GMEB1: variants seen among roughly 807,000 people sequenced by gnomAD.
GMEB1 encodes the protein glucocorticoid modulatory element binding protein 1, also known as glucocorticoid modulatory element-binding protein 1.
In GMEB1, 6 loss-of-function variants were observed where a neutral mutation model predicts 52.4. The ratio of observed to expected loss-of-function variants is 0.11; its 90% CI spans 0.06 to 0.23. The LOEUF (loss-of-function observed/expected upper bound fraction) is 0.23. Among genes scored for constraint, GMEB1 ranks in the 10% least tolerant of loss-of-function variants. The pLI is 1.00. For missense variants in GMEB1, 486 were observed against 685.6 expected, an observed-to-expected ratio of 0.71 and a Z score of 3.25; for synonymous variants, 255 against 244.9, an observed-to-expected ratio of 1.04 and a Z score of -0.38.
intron 5 of GMEB1, among the ~76,000 whole-genome samples, chr1:28,695,237 A>T (rs1670146131): frequency 6.6e-6 from 1 of 151,862 alleles, no homozygotes; most frequent in South Asian, 2.1e-4. Flanking sequence ...AAGTGCTGGG[A>T]TTACAGGCGT....
intron 1 of GMEB1, among the ~76,000 whole-genome samples, chr1:28,674,739 G>T (rs1231196630): frequency 8.6e-5 from 6 of 70,152 alleles, no homozygotes; most frequent in South Asian, 5.3e-4. Context: ...TTTTTTTTGA[G>T]ACGGAGTCTC....
intron 9 of GMEB1, among the ~76,000 whole-genome samples, chr1:28,712,431 G>A (rs372110315): frequency 6.6e-6 from 1 of 152,272 alleles, no homozygotes. Flanking sequence ...AGGGCTGAAA[G>A]TCCTAGTCTT....
rs1252210245 is a variant in GMEB1 at position 28,668,858 on chromosome 1, G to A, written c.-31+19G>A. 1.4e-5 allele frequency: 2 copies of A among 144,776 alleles called. No individual in the cohort carries two copies. Among genetic ancestry groups the A allele is most frequent in the African/African-American group, 2.5e-5 (1 of 40,474 alleles). 9.0% of individuals were successfully genotyped at this position (144,776 alleles called of 1,614,324 possible). On this transcript the variant is annotated intron_variant, in intron 1 of 9. Transcript: ENST00000373816. Reference sequence around the variant, plus strand: ...GGAGACGGTGAGGAGGGGGAGGGGTGGGCGCGCGGGCGCGGGGTGGGGTGG... The same window carrying A: ...GGAGACGGTGAGGAGGGGGAGGGGTAGGCGCGCGGGCGCGGGGTGGGGTGG...
intron 2 of GMEB1, among the ~76,000 whole-genome samples, chr1:28,685,283 C>T (rs921933897): frequency 1.3e-4 from 19 of 151,170 alleles, no homozygotes; most frequent in Admixed American, 3.3e-4. Flanking sequence ...GATCTCAGCT[C>T]ACTGCAACCT....
chr1:28,681,691 G>A (rs999254504), intron 1 of GMEB1, among the ~76,000 whole-genome samples: 7 of 152,028 alleles, frequency 4.6e-5, no homozygotes, highest in Non-Finnish European at 4.4e-5. Flanking sequence ...ATGTGGATTA[G>A]ATCTTCTGAC....
intron 9 of GMEB1, among the ~76,000 whole-genome samples, chr1:28,712,789 A>G (rs1671118696): frequency 6.6e-6 from 1 of 151,596 alleles, no homozygotes; most frequent in South Asian, 2.1e-4. Flanking sequence ...GTGAGCCAAG[A>G]TCGCGCCATC....
rs1320851190 is a variant in GMEB1 at position 28,714,401 on chromosome 1, A to G, written c.1320A>G (p.Thr440=). The change falls in exon 10 of 10, where the codon ACA becomes ACG. Residue 440 remains threonine, a synonymous_variant. Coordinates refer to ENST00000373816, the MANE Select transcript of GMEB1 (RefSeq NM_001319674.2). The part of the protein sequence containing the change: ...PSGPQLFRYA[T]VVSSAKSSSP... ...GCCCTCAGCTCTTCCGCTATGCCACAGTGGTCTCCTCTGCCAAGAGCAGCT... is the reference window on the plus strand; with the variant it reads ...GCCCTCAGCTCTTCCGCTATGCCACGGTGGTCTCCTCTGCCAAGAGCAGCT... 6.2e-7 allele frequency: 1 copy of G among 1,614,152 alleles called. No homozygotes were observed. The highest frequency in any genetic ancestry group is 8.5e-7 in the Non-Finnish European group (1 of 1,180,018).
intron 7 of GMEB1, among the ~76,000 whole-genome samples, chr1:28,703,960 A>G (rs896380898): frequency 6.6e-6 from 1 of 152,094 alleles, no homozygotes; most frequent in African/African-American, 2.4e-5. Context: ...AATTGAGAGA[A>G]TGACAAATTG....
At chr1:28,690,330 C>T (rs746110099) in intron 3 of GMEB1, 144 bp downstream of exon 3, 3 of 488,590 alleles carry the variant, frequency 6.1e-6, no homozygotes, top group Middle Eastern at 4.5e-4. Context: ...CTACAGCCCT[C>T]GATTTTGATG....
At position 28,687,814 on chromosome 1, in the gene GMEB1, G is replaced by C. The variant is rs529266045; in HGVS notation, c.129-2290G>C. Among the ~76,000 whole-genome samples the C allele has an allele frequency of 7.9e-5, 12 of 152,102 alleles. No homozygotes were observed. In the South Asian group the frequency reaches 2.5e-3, roughly 32 times the overall value. On this transcript the variant is annotated intron_variant, in intron 2 of 9. Coordinates refer to ENST00000373816, the MANE Select transcript of GMEB1 (RefSeq NM_001319674.2). ...TGACTGACTATGTGGAGTTGTGAAG[G>C]AGGAAATGAAACAAATCTAGTATGA... is the stretch of plus-strand genomic sequence containing the variant.
chr1:28,712,004 C>CT (rs902366121), intron 9 of GMEB1, among the ~76,000 whole-genome samples: 19 of 151,240 alleles, frequency 1.3e-4, no homozygotes, highest in Non-Finnish European at 2.4e-4. Flanking sequence ...CTTTTTTTTT[C>CT]TTTTTTTTGA....
intron 1 of GMEB1, among the ~76,000 whole-genome samples, chr1:28,672,284 G>A (rs982730133): frequency 1.4e-5 from 2 of 147,984 alleles, no homozygotes; most frequent in African/African-American, 5.0e-5. Flanking sequence ...GCAATGGCGC[G>A]ATCTTGGCTC....
intron 6 of GMEB1, among the ~76,000 whole-genome samples, chr1:28,698,110 A>C (rs183521957): frequency 6.6e-6 from 1 of 152,026 alleles, no homozygotes; most frequent in East Asian, 1.9e-4. Context: ...ACTGCACTCC[A>C]TCCTGGGCAA....
chr1:28,673,742 A>C (rs1170087041), intron 1 of GMEB1, among the ~76,000 whole-genome samples: 1 of 152,176 alleles, frequency 6.6e-6, no homozygotes, highest in Non-Finnish European at 1.5e-5. Flanking sequence ...GGCTGGGCAC[A>C]GTCGCTCAGG....
At chr1:28,679,183 CTT>C (rs879838060) in intron 1 of GMEB1, among the ~76,000 whole-genome samples, 1 of 140,748 alleles carries the variant, frequency 7.1e-6, no homozygotes, top group Admixed American at 7.2e-5. Flanking sequence ...CACACCTGAC[CTT>C]TTTTTTTTTT....
chr1:28,687,366 ACACACACACACACACACAC>A (rs1557504114), intron 2 of GMEB1, among the ~76,000 whole-genome samples: 8 of 62,474 alleles, frequency 1.3e-4, no homozygotes, highest in Admixed American at 4.2e-4. Flanking sequence ...ACACACACAC[ACACACACACACACACACAC>A]ACAAAAAAAG....
chr1:28,685,799 A>C (rs1286978991), intron 2 of GMEB1, among the ~76,000 whole-genome samples: 1 of 152,090 alleles, frequency 6.6e-6, no homozygotes, highest in Non-Finnish European at 1.5e-5. Context: ...TCTCTACTAA[A>C]AATACAAAAA....
chr1:28,696,911 G>A lies in GMEB1; in HGVS notation c.441-16G>A. 2 of 1,588,098 alleles carry A rather than the reference G, an allele frequency of 1.3e-6. No homozygotes were observed. Among genetic ancestry groups the A allele is most frequent in the Non-Finnish European group, 1.7e-6 (2 of 1,163,840 alleles). On this transcript the variant is annotated splice_polypyrimidine_tract_variant and intron_variant, in intron 5 of 9. Coordinates refer to ENST00000373816, the MANE Select transcript of GMEB1 (RefSeq NM_001319674.2). ...AGTATAGGCTGAACTGGTACTTCTTGTCTCCCTTTGCACAGGAAAATGATG... is the reference window on the plus strand; with the variant it reads ...AGTATAGGCTGAACTGGTACTTCTTATCTCCCTTTGCACAGGAAAATGATG...
chr1:28,682,952 C>T (rs1212945880), intron 1 of GMEB1, among the ~76,000 whole-genome samples: 1 of 152,164 alleles, frequency 6.6e-6, no homozygotes, highest in African/African-American at 2.4e-5. Flanking sequence ...TTCAAGCTGT[C>T]AACTTAGTGT....
Sources: allele counts gnomAD v4.1 joint callset (sites outside exome capture counted in the v4.1 genomes callset), GRCh38; gene constraint gnomAD v4.1.1; transcripts MANE v1.5; gene names NCBI Gene and HGNC (gene_info 2026-07-23, HGNC 2026-07-21).